The following PEAK1 variants were observed in gnomAD, a reference collection of about 807,000 sequenced individuals.
PEAK1 encodes inactive tyrosine-protein kinase PEAK1.
A neutral mutation model predicts 124.7 loss-of-function variants in PEAK1; 54 were observed. That is an observed-to-expected ratio of 0.43 (90% CI 0.35 to 0.54). The LOEUF is 0.54. Ranked by LOEUF, PEAK1 falls within the 20% of genes least tolerant of loss-of-function variation. The pLI is 0.01. For missense variants in PEAK1, 2,046 were observed against 2,134.5 expected, an observed-to-expected ratio of 0.96 and a Z score of 0.82; for synonymous variants, 719 against 760.0, an observed-to-expected ratio of 0.95 and a Z score of 0.89.
chr15:77,397,544 A>T (rs2070995856), intron 1 of PEAK1, among the ~76,000 whole-genome samples: 1 of 152,034 alleles, frequency 6.6e-6, no homozygotes, highest in South Asian at 2.1e-4. Flanking sequence ...AACCTTTAGG[A>T]GACTAAGAAA....
intron 6 of PEAK1, among the ~76,000 whole-genome samples, chr15:77,184,727 T>C (rs570972867): frequency 6.6e-6 from 1 of 152,252 alleles, no homozygotes; most frequent in East Asian, 1.9e-4. Context: ...TGAAATCCTG[T>C]CTCTACCAAA....
At chr15:77,151,683 T>C (rs1309827493) in intron 8 of PEAK1, among the ~76,000 whole-genome samples, 1 of 152,214 alleles carries the variant, frequency 6.6e-6, no homozygotes, top group Non-Finnish European at 1.5e-5. Context: ...GAATTAATTT[T>C]TGTATAAGGT....
chr15:77,304,757 AC>A (rs1292644705), intron 2 of PEAK1, among the ~76,000 whole-genome samples: 1 of 152,064 alleles, frequency 6.6e-6, no homozygotes, highest in Non-Finnish European at 1.5e-5. Flanking sequence ...AATCCTGTAT[AC>A]ATTTTCTTTC....
intron 5 of PEAK1, among the ~76,000 whole-genome samples, chr15:77,253,224 T>A: frequency 7.4e-6 from 1 of 135,148 alleles, no homozygotes; most frequent in South Asian, 2.7e-4. Flanking sequence ...AACCTGAGCA[T>A]CTGTGAATTT....
intron 1 of PEAK1, chr15:77,418,026 T>C (rs771660052): frequency 3.1e-4 from 301 of 979,198 alleles, no homozygotes; most frequent in Non-Finnish European, 3.6e-4. Flanking sequence ...TTTAATGTGA[T>C]TGTCGGCAAA....
intron 1 of PEAK1, chr15:77,404,227 A>G: frequency 1.0e-6 from 1 of 985,426 alleles, no homozygotes; most frequent in Admixed American, 6.1e-5. Context: ...TTCAGGATCC[A>G]TGGTGTAACT....
intron 5 of PEAK1, chr15:77,255,480 C>T (rs1034318018): frequency 7.0e-6 from 5 of 717,928 alleles, no homozygotes; most frequent in Non-Finnish European, 6.8e-6. Context: ...AATGTTACAA[C>T]GTTTTGGGAA....
intron 2 of PEAK1, chr15:77,335,696 G>A (rs1034651481): frequency 1.2e-6 from 1 of 851,890 alleles, no homozygotes; most frequent in East Asian, 1.2e-4. Context: ...GACCCATGTT[G>A]CCCAGGCTGG....
intron 6 of PEAK1, among the ~76,000 whole-genome samples, chr15:77,219,237 G>A (rs900380630): frequency 6.6e-6 from 1 of 151,960 alleles, no homozygotes; most frequent in African/African-American, 2.4e-5. Flanking sequence ...CTAGGCTAGC[G>A]GCAGAAAGAA....
intron 6 of PEAK1, among the ~76,000 whole-genome samples, chr15:77,191,870 T>C (rs1246483474): frequency 2.0e-5 from 3 of 152,076 alleles, no homozygotes; most frequent in African/African-American, 7.2e-5. Context: ...AGAGGCTAAA[T>C]TGATAATTTT....
rs1438117602 is a variant in PEAK1 at position 77,181,546 on chromosome 15, G to C, written c.381C>G (p.Ser127Arg). The change falls in exon 7 of 10, where the codon AGC becomes AGG. Residue 127 changes from serine (S) to arginine (R), a missense_variant. Physicochemically the swap from Ser to Arg is moderately radical, Grantham distance 110. Transcript: ENST00000682557. ...NNNNEDDEGI[S>R]HVPKPYGNND... ...TATTGCCATAAGGCTTAGGAACATGGCTAATTCCTTCATCATCTTCATTAT... is the reference window on the plus strand; with the variant it reads ...TATTGCCATAAGGCTTAGGAACATGCCTAATTCCTTCATCATCTTCATTAT... 1.2e-6 allele frequency: 2 copies of C among 1,614,040 alleles called. No individual in the cohort carries two copies. The highest frequency in any genetic ancestry group is 1.7e-5 in the Admixed American group (1 of 60,006).
intron 6 of PEAK1, among the ~76,000 whole-genome samples, chr15:77,238,810 C>G (rs967141507): frequency 6.6e-6 from 1 of 152,164 alleles, no homozygotes; most frequent in Non-Finnish European, 1.5e-5. Context: ...GCATGTCAAA[C>G]ACCAAGAAAA....
intron 1 of PEAK1, chr15:77,401,863 T>C (rs74777850): frequency 0.045 from 44,205 of 985,086 alleles, 1,068 homozygotes; most frequent in Non-Finnish European, 0.05. Flanking sequence ...ATATTTTCTA[T>C]GCTAAGAATG....
intron 6 of PEAK1, among the ~76,000 whole-genome samples, chr15:77,251,282 A>G (rs1250254350): frequency 3.9e-5 from 6 of 152,242 alleles, no homozygotes; most frequent in African/African-American, 1.2e-4. Context: ...AAGCCTTCAT[A>G]TAATTGCTTT....
At chr15:77,404,570 A>G in intron 1 of PEAK1, 1 of 811,620 alleles carries the variant, frequency 1.2e-6, no homozygotes, top group Non-Finnish European at 1.5e-6. Flanking sequence ...TGTGGCTACT[A>G]GAAAATTTGA....
intron 6 of PEAK1, 67 bp downstream of exon 6, chr15:77,252,296 TAAAA>T (rs1231599476): frequency 1.1e-6 from 1 of 870,534 alleles, no homozygotes; most frequent in Non-Finnish European, 1.4e-6. Flanking sequence ...CATTTAAACT[TAAAA>T]AGAAATTCTT....
chr15:77,257,808 T>C (rs1358869774), intron 5 of PEAK1, among the ~76,000 whole-genome samples: 12 of 145,376 alleles, frequency 8.3e-5, no homozygotes, highest in Admixed American at 8.2e-4. Flanking sequence ...TGCCTGTGCC[T>C]ATGTCCTGAA....
intron 8 of PEAK1, 134 bp downstream of exon 8, chr15:77,158,369 T>C: frequency 1.2e-6 from 1 of 812,316 alleles, no homozygotes; most frequent in Non-Finnish European, 1.9e-6. Flanking sequence ...TGATGTGACT[T>C]AAAATTTGTA....
intron 6 of PEAK1, among the ~76,000 whole-genome samples, chr15:77,182,425 G>A (rs1382719689): frequency 4.6e-5 from 7 of 151,576 alleles, no homozygotes; most frequent in Non-Finnish European, 8.8e-5. Context: ...TAGACATTTC[G>A]TAGACTCCTC....
Sources: allele counts gnomAD v4.1 joint callset (sites outside exome capture counted in the v4.1 genomes callset), GRCh38; gene constraint gnomAD v4.1.1; transcripts MANE v1.5; gene names NCBI Gene and HGNC (gene_info 2026-07-23, HGNC 2026-07-21).